The following ASTN2 variants were observed in gnomAD, a reference collection of about 807,000 sequenced individuals.
ASTN2 encodes the protein astrotactin-2.
ASTN2 carries 54 observed loss-of-function variants against 139.8 expected under a neutral mutation model. The observed-to-expected ratio is 0.39, with a 90% CI of 0.31 to 0.48. The LOEUF (loss-of-function observed/expected upper bound fraction) is 0.48. Among genes scored for constraint, ASTN2 ranks in the 20% least tolerant of loss-of-function variants. ASTN2 has a pLI of 0.95. For synonymous variants in ASTN2, 756 were observed against 719.5 expected (o/e 1.05, Z -0.81); for missense variants, 1,565 against 1,725.1 (o/e 0.91, Z 1.64).
chr9:116,901,388 T>C (rs555417201), intron 10 of ASTN2, among the ~76,000 whole-genome samples: 2 of 152,136 alleles, frequency 1.3e-5, no homozygotes, highest in African/African-American at 4.8e-5. Flanking sequence ...CATAGTGGCA[T>C]ATGGCTGTAG....
At chr9:116,515,847 T>C (rs188686768) in intron 19 of ASTN2, among the ~76,000 whole-genome samples, 108 of 152,328 alleles carry the variant, frequency 7.1e-4, no homozygotes, top group Admixed American at 1.7e-3. Flanking sequence ...CTTTTTTTGA[T>C]AATTTAGACC....
At chr9:116,772,616 C>A (rs965775831) in intron 13 of ASTN2, among the ~76,000 whole-genome samples, 3 of 152,160 alleles carry the variant, frequency 2.0e-5, no homozygotes, top group Non-Finnish European at 4.4e-5. Flanking sequence ...AATCTGAGCA[C>A]TGCCATGTGA....
intron 4 of ASTN2, among the ~76,000 whole-genome samples, chr9:117,139,834 CT>C (rs1316900776): frequency 6.6e-6 from 1 of 152,168 alleles, no homozygotes; most frequent in Non-Finnish European, 1.5e-5. Flanking sequence ...TCAACAACGT[CT>C]TCATAGAAAT....
At chr9:116,919,726 T>A (rs151068833) in intron 10 of ASTN2, among the ~76,000 whole-genome samples, 118 of 150,358 alleles carry the variant, frequency 7.8e-4, no homozygotes, top group African/African-American at 2.8e-3. Context: ...GGTGGATTGC[T>A]TGATCCCAGG....
At chr9:116,912,370 C>T (rs1834335903) in intron 10 of ASTN2, among the ~76,000 whole-genome samples, 1 of 152,194 alleles carries the variant, frequency 6.6e-6, no homozygotes, top group Non-Finnish European at 1.5e-5. Context: ...AAAAGCAAAG[C>T]AGTTGGCACC....
intron 13 of ASTN2, among the ~76,000 whole-genome samples, chr9:116,767,597 C>T (rs570326759): frequency 6.0e-4 from 92 of 152,274 alleles, no homozygotes; most frequent in African/African-American, 2.0e-3. Context: ...CAGAGACAGA[C>T]GGAGACTACA....
chr9:116,904,269 T>C (rs1834098451), intron 10 of ASTN2, among the ~76,000 whole-genome samples: 1 of 152,112 alleles, frequency 6.6e-6, no homozygotes, highest in African/African-American at 2.4e-5. Flanking sequence ...CATCAGGGGT[T>C]AAGGCTGCAG....
chr9:116,990,037 G>C (rs897601625), intron 7 of ASTN2, among the ~76,000 whole-genome samples: 1 of 151,886 alleles, frequency 6.6e-6, no homozygotes, highest in Non-Finnish European at 1.5e-5. Flanking sequence ...TTTTCTTTTA[G>C]AATGCTCTGC....
At chr9:116,944,631 G>T (rs990318661) in intron 10 of ASTN2, among the ~76,000 whole-genome samples, 6 of 137,870 alleles carry the variant, frequency 4.4e-5, no homozygotes, top group Admixed American at 3.2e-4. Flanking sequence ...GCAGTGAGTC[G>T]AGATCATGCC....
At chr9:117,217,166 G>A (rs884560) in intron 2 of ASTN2, among the ~76,000 whole-genome samples, 2,445 of 152,214 alleles carry the variant, frequency 0.016, 60 homozygotes, top group African/African-American at 0.057. Flanking sequence ...AAAGGGAAAA[G>A]GAAAGTATTA....
At chr9:117,179,507 T>C (rs1831003192) in intron 3 of ASTN2, among the ~76,000 whole-genome samples, 1 of 152,130 alleles carries the variant, frequency 6.6e-6, no homozygotes, top group Admixed American at 6.6e-5. Context: ...ACCCCATCAT[T>C]TGTAACACTA....
chr9:117,209,707 TGATAGA>T (rs1832057213), intron 3 of ASTN2, among the ~76,000 whole-genome samples: 1 of 152,130 alleles, frequency 6.6e-6, no homozygotes, highest in Admixed American at 6.5e-5. Context: ...CAAATGGATG[TGATAGA>T]CAATTACATA....
At chr9:116,919,947 A>C (rs1035776800) in intron 10 of ASTN2, among the ~76,000 whole-genome samples, 10 of 152,040 alleles carry the variant, frequency 6.6e-5, no homozygotes, top group African/African-American at 2.2e-4. Flanking sequence ...TCTCAAAAAA[A>C]AAAAAAAAAG....
rs1259766951 is a variant in ASTN2, at chr9:117,214,656, G to A, written c.717C>T (p.Ile239=). ...CTTCTGTGCTTGCGCTCTTCTGGGG[G>A]ATGCGGCGACGCTTCTGCCAACGTC... ...AQRRWQKRRR[I]PQKSASTEAT... The change falls in exon 3 of 23, where the codon ATC becomes ATT. Residue 239 remains isoleucine (I), a synonymous_variant. Transcript: ENST00000313400. 1 of 1,551,158 alleles carries A rather than the reference G, an allele frequency of 6.4e-7. No individual in the cohort carries two copies. The highest frequency in any genetic ancestry group is 1.4e-5 in the African/African-American group (1 of 73,774).
chr9:116,661,651 A>T (rs978248907), intron 16 of ASTN2, among the ~76,000 whole-genome samples: 1 of 152,118 alleles, frequency 6.6e-6, no homozygotes, highest in Non-Finnish European at 1.5e-5. Flanking sequence ...TAAGAGAAAA[A>T]ATTCCAAGGT....
At chr9:117,120,153 C>T (rs1829519533) in intron 4 of ASTN2, among the ~76,000 whole-genome samples, 1 of 150,574 alleles carries the variant, frequency 6.6e-6, no homozygotes, top group Admixed American at 6.6e-5. Flanking sequence ...AAACACTGGA[C>T]TGGAAGAAGG....
chr9:116,675,892 A>G (rs1859470681), intron 16 of ASTN2, among the ~76,000 whole-genome samples: 1 of 152,210 alleles, frequency 6.6e-6, no homozygotes, highest in Non-Finnish European at 1.5e-5. Context: ...ACAGGGACCA[A>G]CAGGGAAAAA....
intron 10 of ASTN2, among the ~76,000 whole-genome samples, chr9:116,933,431 C>T (rs1403882700): frequency 6.6e-6 from 1 of 151,980 alleles, no homozygotes; most frequent in Non-Finnish European, 1.5e-5. Flanking sequence ...TGAGGCAGTC[C>T]CTTCCCGCAG....
Position 116,632,824 on chromosome 9 carries a change from T to C in ASTN2, c.3073-12381A>G, listed in dbSNP as rs115206596. Among the ~76,000 whole-genome samples the C allele has an allele frequency of 5.2e-3, 797 of 152,348 alleles. 8 individuals are homozygous for C. The highest frequency in any genetic ancestry group is 0.017 in the African/African-American group (721 of 41,576). ...GCACCTTTGACAACATATCTGTTAG[T>C]GGACTTACCACATTTTATGGAATTG... On this transcript the variant is annotated intron_variant, in intron 17 of 22. Transcript: ENST00000313400.
Sources: gnomAD v4.1 joint callset for allele counts (sites outside exome capture counted in the v4.1 genomes callset) on GRCh38, gnomAD v4.1.1 for gene constraint, MANE v1.5 for transcripts, NCBI Gene and HGNC (gene_info 2026-07-23, HGNC 2026-07-21) for gene names.